Variants in F13B observed in about 807,000 individuals in gnomAD.
The protein encoded by F13B is coagulation factor XIII B chain.
A neutral mutation model predicts 79.8 loss-of-function variants in F13B; 58 were observed. The observed-to-expected ratio is 0.73, with a 90% CI of 0.59 to 0.90. The LOEUF (loss-of-function observed/expected upper bound fraction) is 0.90. F13B is among the 40% of genes least tolerant of loss of function. F13B has a pLI of 0.00. For synonymous variants in F13B, 283 were observed against 260.3 expected (o/e 1.09, Z -0.84); for missense variants, 773 against 777.0 (o/e 0.99, Z 0.06).
chr1:197,058,995 C>T (rs1267465920), intron 5 of F13B, among the ~76,000 whole-genome samples: 3 of 152,066 alleles, frequency 2.0e-5, no homozygotes, highest in African/African-American at 7.2e-5. Flanking sequence ...AGGCTGATCA[C>T]CTGAGGTCAG....
At chr1:197,049,350 T>G (rs1040361920) in intron 10 of F13B, among the ~76,000 whole-genome samples, 1 of 151,976 alleles carries the variant, frequency 6.6e-6, no homozygotes, top group East Asian at 1.9e-4. Context: ...TAATAAAATG[T>G]ATAGACCCTT....
rs1246452307 is a variant in F13B at position 197,067,144 on chromosome 1, T to G, written c.64+16A>C. 9 of 1,489,104 alleles carry G rather than the reference T, an allele frequency of 6.0e-6. No individual in the cohort carries two copies. The highest frequency in any genetic ancestry group is 6.5e-6 in the Non-Finnish European group (7 of 1,069,594). The allele number at this position is 1,489,104 out of a possible 1,614,324, so 92.2% of individuals were successfully genotyped here. On this transcript the variant is annotated intron_variant, in intron 1 of 11. Coordinates refer to ENST00000367412, the MANE Select transcript of F13B (RefSeq NM_001994.3). ...GTATGTTTTAGAGAATAAAGAATATTAAGAATTAATTTTACCTTCTGCATA... is the reference window on the plus strand; with the variant it reads ...GTATGTTTTAGAGAATAAAGAATATGAAGAATTAATTTTACCTTCTGCATA...
At chr1:197,057,972 C>T (rs1479889778) in intron 5 of F13B, among the ~76,000 whole-genome samples, 1 of 152,188 alleles carries the variant, frequency 6.6e-6, no homozygotes, top group Non-Finnish European at 1.5e-5. Context: ...GATGAGACTG[C>T]AGTCCAGCTA....
rs1013587094 is a variant in F13B, at chr1:197,040,823, T to C, written c.1739-88A>G. The C allele has an allele frequency of 5.6e-6, 6 of 1,064,054 alleles. No individual in the cohort carries two copies. In the Admixed American group the frequency reaches 1.3e-4, roughly 24 times the overall value. 65.9% of individuals were successfully genotyped at this position (1,064,054 alleles called of 1,614,324 possible). On this transcript the variant is annotated intron_variant, in intron 10 of 11. Transcript: ENST00000367412. ...TAAGAACAGGAATCGTTGTGTTGCCTACTCATGAGGACCTTAAAATTCTCA... is the reference window on the plus strand; with the variant it reads ...TAAGAACAGGAATCGTTGTGTTGCCCACTCATGAGGACCTTAAAATTCTCA...
At chr1:197,040,990 A>G (rs908231249) in intron 10 of F13B, among the ~76,000 whole-genome samples, 1 of 152,094 alleles carries the variant, frequency 6.6e-6, no homozygotes, top group Non-Finnish European at 1.5e-5. Flanking sequence ...TTAAAAACTA[A>G]AAGGTATTTT....
At chr1:197,056,487 G>A (rs1049239145) in intron 7 of F13B, among the ~76,000 whole-genome samples, 1 of 152,086 alleles carries the variant, frequency 6.6e-6, no homozygotes, top group African/African-American at 2.4e-5. Flanking sequence ...GTAGCCTGGT[G>A]GTGCCTTTCA....
In F13B at chr1:197,039,351, T is replaced by C; in HGVS notation, c.*27A>G. ...TAAGGAATTTCATGATGTATTGAAA[T>C]ATGACTCCTCTTTCTGCCATTCATT... On this transcript the variant is annotated 3_prime_UTR_variant, in exon 12 of 12. Coordinates refer to ENST00000367412, the MANE Select transcript of F13B (RefSeq NM_001994.3). The C allele has an allele frequency of 6.3e-7, 1 of 1,583,792 alleles. No individual in the cohort carries two copies. The highest frequency in any genetic ancestry group is 8.7e-7 in the Non-Finnish European group (1 of 1,153,976).
intron 4 of F13B, 136 bp downstream of exon 4, chr1:197,060,763 G>A: frequency 1.2e-6 from 1 of 830,894 alleles, no homozygotes; most frequent in South Asian, 1.5e-5. Flanking sequence ...ATCAAAGACT[G>A]CTATCAACAT....
chr1:197,066,084 A>G (rs1313652014), intron 1 of F13B, among the ~76,000 whole-genome samples: 1 of 152,106 alleles, frequency 6.6e-6, no homozygotes, highest in Non-Finnish European at 1.5e-5. Flanking sequence ...GGTATAGATA[A>G]CAGACAATTA....
chr1:197,052,691 C>CAGACAATG lies in F13B; in HGVS notation c.1490_1497dup (p.Glu500HisfsTer14). The CAGACAATG allele has an allele frequency of 6.2e-7, 1 of 1,612,164 alleles. No homozygotes were observed. The highest frequency in any genetic ancestry group is 8.5e-7 in the Non-Finnish European group (1 of 1,178,958). On this transcript the variant is annotated frameshift_variant, in exon 9 of 12. Transcript: ENST00000367412. LOFTEE classifies it high-confidence loss of function. ...CCTCTGTTGCACTGCACAGATAATT[C>CAGACAATG]AGACAATGGGGTTAATGGAGATAAG...
chr1:197,043,738 C>A (rs1655124851), intron 10 of F13B, among the ~76,000 whole-genome samples: 1 of 151,174 alleles, frequency 6.6e-6, no homozygotes, highest in Non-Finnish European at 1.5e-5. Context: ...GAGAAAATTA[C>A]CAAAAAATTA....
At chr1:197,043,747 T>G (rs926854171) in intron 10 of F13B, among the ~76,000 whole-genome samples, 1 of 151,936 alleles carries the variant, frequency 6.6e-6, no homozygotes. Context: ...ACCAAAAAAT[T>G]ACTACAGTGA....
At chr1:197,053,768 A>G (rs1339935892) in intron 8 of F13B, among the ~76,000 whole-genome samples, 1 of 152,088 alleles carries the variant, frequency 6.6e-6, no homozygotes, top group African/African-American at 2.4e-5. Context: ...GGCCTAAATA[A>G]GAAGTAAAAA....
Position 197,055,658 on chromosome 1 carries a change from T to C in F13B, c.1354+57A>G, listed in dbSNP as rs1010951882. The C allele has an allele frequency of 9.1e-6, 14 of 1,539,384 alleles. No homozygotes were observed. The African/African-American group carries it at 1.6e-4, about 18-fold the overall frequency. On this transcript the variant is annotated intron_variant, in intron 8 of 11. Transcript: ENST00000367412. Reference sequence around the variant, plus strand: ...TCATCATTTTCATGATATAAAACACTGTAAGAAAATCACATAAAAGTACAA... The same window carrying C: ...TCATCATTTTCATGATATAAAACACCGTAAGAAAATCACATAAAAGTACAA...
chr1:197,065,238 G>A (rs1656005177), intron 1 of F13B, among the ~76,000 whole-genome samples: 1 of 152,140 alleles, frequency 6.6e-6, no homozygotes, highest in Admixed American at 6.6e-5. Flanking sequence ...CTAGGTTGTG[G>A]CTTTAAAGAC....
At chr1:197,044,310 C>A (rs535333171) in intron 10 of F13B, among the ~76,000 whole-genome samples, 1 of 151,958 alleles carries the variant, frequency 6.6e-6, no homozygotes, top group Non-Finnish European at 1.5e-5. Flanking sequence ...GACACGACAG[C>A]GTTATGGGGG....
At chr1:197,057,549 G>C in intron 5 of F13B, 84 bp from the exon 6 acceptor site, 1 of 1,358,814 alleles carries the variant, frequency 7.4e-7, no homozygotes, top group Non-Finnish European at 1.0e-6. Flanking sequence ...ATCATGTCAA[G>C]CATCATAGAG....
In F13B at chr1:197,040,685, T is replaced by C. The variant is rs1558302014; in HGVS notation, c.1789A>G (p.Lys597Glu). 1 of 1,612,946 alleles carries C rather than the reference T, an allele frequency of 6.2e-7. No homozygotes were observed. Among genetic ancestry groups the C allele is most frequent in the Non-Finnish European group, 8.5e-7 (1 of 1,179,268 alleles). ...TGTGGTCTATTGTCAAAATCCCATTTCAGAAGTAAATTATTCTTTTCCATT... is the reference window on the plus strand; with the variant it reads ...TGTGGTCTATTGTCAAAATCCCATTCCAGAAGTAAATTATTCTTTTCCATT... ...TEMEKNNLLL[K>E]WDFDNRPHIL... The change falls in exon 11 of 12, where the codon AAA (lysine) becomes GAA (glutamate). Residue 597 changes from lysine (K) to glutamate (E), a missense_variant. Lys to Glu is a moderately conservative substitution (Grantham distance 56, BLOSUM62 1). Coordinates refer to ENST00000367412, the MANE Select transcript of F13B (RefSeq NM_001994.3).
chr1:197,062,269 T>A (rs896219761), intron 2 of F13B, among the ~76,000 whole-genome samples: 2 of 152,134 alleles, frequency 1.3e-5, no homozygotes. Context: ...CAAAGCCCCT[T>A]ACTCTGGGTC....
Sources: gnomAD v4.1 joint callset for allele counts (sites outside exome capture counted in the v4.1 genomes callset) on GRCh38, gnomAD v4.1.1 for gene constraint, MANE v1.5 for transcripts, NCBI Gene and HGNC (gene_info 2026-07-23, HGNC 2026-07-21) for gene names.